CRY1: variants seen among roughly 807,000 people sequenced by gnomAD.
CRY1 encodes the protein cryptochrome circadian regulator 1.
In CRY1, 45 loss-of-function variants were observed where a neutral mutation model predicts 76.0. The ratio of observed to expected loss-of-function variants is 0.59; its 90% CI spans 0.47 to 0.76. The LOEUF is 0.76. Ranked by LOEUF, CRY1 falls within the 30% of genes least tolerant of loss-of-function variation. The pLI is 0.00. For synonymous variants in CRY1, 248 were observed against 244.0 expected, an observed-to-expected ratio of 1.02 and a Z score of -0.15; for missense variants, 587 against 716.4, an observed-to-expected ratio of 0.82 and a Z score of 2.06.
At chr12:107,066,484 C>G (rs557559959) in intron 1 of CRY1, among the ~76,000 whole-genome samples, 22 of 151,896 alleles carry the variant, frequency 1.4e-4, no homozygotes, top group African/African-American at 5.3e-4. Context: ...AAGACAGGGT[C>G]TCACTTTGAC....
At chr12:107,035,076 C>T (rs575919364) in intron 1 of CRY1, among the ~76,000 whole-genome samples, 3 of 152,284 alleles carry the variant, frequency 2.0e-5, no homozygotes, top group East Asian at 3.9e-4. Context: ...ATCTGCCTAA[C>T]GTGTTCAAAA....
At chr12:107,041,604 A>C (rs1267724919) in intron 1 of CRY1, among the ~76,000 whole-genome samples, 1 of 152,224 alleles carries the variant, frequency 6.6e-6, no homozygotes, top group East Asian at 1.9e-4. Flanking sequence ...ATAACACTAC[A>C]GGCCAAAAAT....
chr12:107,007,530 CTT>C (rs869308756), intron 2 of CRY1, among the ~76,000 whole-genome samples: 13 of 140,268 alleles, frequency 9.3e-5, no homozygotes, highest in Admixed American at 7.2e-5. Context: ...TCTTTTTCTT[CTT>C]TTTTTTTTTT....
In CRY1 at chr12:106,991,423, C is replaced by G. The variant is rs991723652; in HGVS notation, c.*579G>C. ...TTTTAGTAATAAATGAACAAAGAAA[C>G]AGAGACAGAGAACTTAACACATGAT... On this transcript the variant is annotated 3_prime_UTR_variant, in exon 13 of 13. Coordinates refer to ENST00000008527, the MANE Select transcript of CRY1 (RefSeq NM_004075.5). 2.6e-5 allele frequency: 4 copies of G among 152,366 alleles called. No individual in the cohort carries two copies. Among genetic ancestry groups the G allele is most frequent in the Non-Finnish European group, 5.9e-5 (4 of 67,980 alleles). The allele number at this position is 152,366 out of a possible 1,614,324, so 9.4% of individuals were successfully genotyped here.
chr12:107,087,121 T>C lies in CRY1; in HGVS notation c.158+5683A>G, dbSNP rs184400649. On this transcript the variant is annotated intron_variant, in intron 1 of 12. Transcript: ENST00000008527. The stretch of plus-strand genomic sequence containing the variant: ...CTTTGGATGTAAACAGCATACACCC[T>C]CAGCCTGGAAAAGTGACAGACATTA... Among the ~76,000 whole-genome samples, 52 of 152,318 alleles carry C rather than the reference T, an allele frequency of 3.4e-4. 1 individual carries two copies. The highest frequency in any genetic ancestry group is 1.2e-3 in the African/African-American group (49 of 41,572).
intron 2 of CRY1, among the ~76,000 whole-genome samples, chr12:107,008,555 T>G (rs1051361929): frequency 6.6e-6 from 1 of 152,246 alleles, no homozygotes; most frequent in African/African-American, 2.4e-5. Context: ...TCAAGTAATT[T>G]GTAAAAGCAA....
chr12:107,061,889 G>A (rs1468188767), intron 1 of CRY1, among the ~76,000 whole-genome samples: 1 of 151,796 alleles, frequency 6.6e-6, no homozygotes, highest in Non-Finnish European at 1.5e-5. Flanking sequence ...TATCTACTCA[G>A]GCACAGTGGT....
At position 107,089,919 on chromosome 12, in the gene CRY1, C is replaced by A. The variant is rs563483779; in HGVS notation, c.158+2885G>T. Among the ~76,000 whole-genome samples the A allele has an allele frequency of 2.6e-4, 40 of 152,240 alleles. No homozygotes were observed. In the South Asian group the frequency reaches 7.7e-3, roughly 29 times the overall value. The stretch of plus-strand genomic sequence containing the variant: ...ACTGAATTTGGTACTATGAGTGATT[C>A]CAAAAAGACTTTTGCCTCTGACACT... On this transcript the variant is annotated intron_variant, in intron 1 of 12. Coordinates refer to ENST00000008527, the MANE Select transcript of CRY1 (RefSeq NM_004075.5).
At chr12:107,026,157 A>T (rs11113169) in intron 1 of CRY1, among the ~76,000 whole-genome samples, 6 of 75,706 alleles carry the variant, frequency 7.9e-5, no homozygotes, top group Non-Finnish European at 1.4e-4. Flanking sequence ...TATATATATA[A>T]AATATATATA....
At chr12:107,004,110 A>C (rs1054483915) in intron 3 of CRY1, among the ~76,000 whole-genome samples, 4 of 152,018 alleles carry the variant, frequency 2.6e-5, no homozygotes, top group African/African-American at 9.7e-5. Context: ...TAGCCTAAAC[A>C]ATTTTATGCA....
chr12:107,074,842 C>A, intron 1 of CRY1, among the ~76,000 whole-genome samples: 1 of 152,058 alleles, frequency 6.6e-6, no homozygotes, highest in East Asian at 1.9e-4. Context: ...TGATGAAACC[C>A]CGTCTCTAGT....
At chr12:107,058,436 G>A (rs1261600371) in intron 1 of CRY1, among the ~76,000 whole-genome samples, 1 of 152,250 alleles carries the variant, frequency 6.6e-6, no homozygotes, top group East Asian at 1.9e-4. Context: ...TGAGAAAATA[G>A]TTACAGGACT....
chr12:106,994,567 A>C (rs896453113), intron 10 of CRY1, among the ~76,000 whole-genome samples: 1 of 152,238 alleles, frequency 6.6e-6, no homozygotes, highest in African/African-American at 2.4e-5. Context: ...ACATGATTAA[A>C]ATAATTTCAA....
chr12:107,047,447 T>A (rs1343030111), intron 1 of CRY1, among the ~76,000 whole-genome samples: 3 of 152,122 alleles, frequency 2.0e-5, no homozygotes, highest in Admixed American at 2.0e-4. Flanking sequence ...CACCCAAATC[T>A]CATCTTGAAT....
chr12:106,995,935 CTGG>C (rs1346688992), intron 10 of CRY1, among the ~76,000 whole-genome samples: 1 of 152,200 alleles, frequency 6.6e-6, no homozygotes, highest in Non-Finnish European at 1.5e-5. Context: ...CCTCTGCCTC[CTGG>C]GTTCAAGTGA....
intron 2 of CRY1, among the ~76,000 whole-genome samples, chr12:107,015,641 T>C (rs2136838628): frequency 6.6e-6 from 1 of 152,346 alleles, no homozygotes; most frequent in South Asian, 2.1e-4. Flanking sequence ...ACAGTAAGAC[T>C]GCAAATAGCA....
intron 10 of CRY1, among the ~76,000 whole-genome samples, chr12:106,994,479 C>T (rs879171751): frequency 2.0e-5 from 3 of 152,114 alleles, no homozygotes; most frequent in Non-Finnish European, 4.4e-5. Flanking sequence ...TACTTAAGTT[C>T]TACTTAGCTT....
chr12:107,032,022 C>T (rs1952681848), intron 1 of CRY1, among the ~76,000 whole-genome samples: 1 of 152,220 alleles, frequency 6.6e-6, no homozygotes, highest in Non-Finnish European at 1.5e-5. Flanking sequence ...GCAACCTCCA[C>T]CTCCCGGGTT....
chr12:107,006,656 T>A (rs1238617828), intron 2 of CRY1, among the ~76,000 whole-genome samples: 5 of 151,304 alleles, frequency 3.3e-5, no homozygotes, highest in Admixed American at 2.0e-4. Context: ...TTTTTTTTTT[T>A]AGATGACATC....
Sources: allele counts gnomAD v4.1 joint callset (sites outside exome capture counted in the v4.1 genomes callset), GRCh38; gene constraint gnomAD v4.1.1; transcripts MANE v1.5; gene names NCBI Gene and HGNC (gene_info 2026-07-23, HGNC 2026-07-21).